The following RBFOX1 variants were observed in gnomAD, a reference collection of about 807,000 sequenced individuals.
RBFOX1 encodes RNA binding protein fox-1 homolog 1.
In RBFOX1, 8 loss-of-function variants were observed where a neutral mutation model predicts 57.7. The observed-to-expected ratio is 0.14, with a 90% CI of 0.08 to 0.25. RBFOX1 has a LOEUF of 0.25. Among genes scored for constraint, RBFOX1 ranks in the 10% least tolerant of loss-of-function variants. The pLI, the probability that RBFOX1 is intolerant of heterozygous loss-of-function variation, is 1.00. For synonymous variants in RBFOX1, 326 were observed against 222.4 expected, an observed-to-expected ratio of 1.47 and a Z score of -4.15; for missense variants, 611 against 548.5, an observed-to-expected ratio of 1.11 and a Z score of -1.14.
At chr16:7,557,507 C>T (rs911692242) in intron 5 of RBFOX1, among the ~76,000 whole-genome samples, 1 of 149,832 alleles carries the variant, frequency 6.7e-6, no homozygotes, top group Non-Finnish European at 1.5e-5. Flanking sequence ...GTAATCCCAC[C>T]TACTCGAGAG....
chr16:6,041,792 G>A (rs760273031), intron 1 of RBFOX1, among the ~76,000 whole-genome samples: 1 of 152,278 alleles, frequency 6.6e-6, no homozygotes, highest in African/African-American at 2.4e-5. Context: ...CCTCTCCAAA[G>A]ACATTCTTTG....
intron 2 of RBFOX1, among the ~76,000 whole-genome samples, chr16:6,495,998 T>C (rs1183080982): frequency 3.9e-5 from 6 of 152,218 alleles, no homozygotes; most frequent in Admixed American, 2.0e-4. Context: ...TATGCGTCAG[T>C]GTAAAGCCAT....
chr16:5,487,538 C>A (rs1285774836), intron 2 of RBFOX1, among the ~76,000 whole-genome samples: 1 of 152,152 alleles, frequency 6.6e-6, no homozygotes, highest in Non-Finnish European at 1.5e-5. Context: ...GTTGGTTGGT[C>A]TTGGTCTCTG....
At chr16:7,572,803 C>T (rs1025620208) in intron 5 of RBFOX1, among the ~76,000 whole-genome samples, 1 of 147,540 alleles carries the variant, frequency 6.8e-6, no homozygotes, top group Non-Finnish European at 1.5e-5. Context: ...GGAGCCACTG[C>T]ACTCCAGCCT....
rs2148637914 is a variant in RBFOX1, at chr16:7,711,344, T to C, written c.*599T>C. The C allele has an allele frequency of 6.6e-6, 1 of 152,580 alleles. No homozygotes were observed. The highest frequency in any genetic ancestry group is 1.5e-5 in the Non-Finnish European group (1 of 68,016). The allele number at this position is 152,580 out of a possible 1,614,324, so 9.5% of individuals were successfully genotyped here. On this transcript the variant is annotated 3_prime_UTR_variant, in exon 16 of 16. Transcript: ENST00000550418. Reference sequence around the variant, plus strand: ...GCCAAAGGTCATGTTGTTAAGGGGGTGCTTCTAGTAGCACTTGTGCATCTG... The same window carrying C: ...GCCAAAGGTCATGTTGTTAAGGGGGCGCTTCTAGTAGCACTTGTGCATCTG...
intron 3 of RBFOX1, among the ~76,000 whole-genome samples, chr16:6,825,025 C>G (rs181432570): frequency 2.1e-4 from 14 of 68,176 alleles, no homozygotes; most frequent in African/African-American, 5.5e-4. Flanking sequence ...GAGACGGCGT[C>G]TGGCTCTGTC....
intron 4 of RBFOX1, among the ~76,000 whole-genome samples, chr16:7,206,053 A>C (rs1194929694): frequency 6.6e-6 from 1 of 152,208 alleles, no homozygotes; most frequent in Non-Finnish European, 1.5e-5. Flanking sequence ...GTTTAGTTTT[A>C]CTTAGACTGA....
chr16:6,152,559 C>T (rs745702304), intron 1 of RBFOX1, among the ~76,000 whole-genome samples: 1 of 152,120 alleles, frequency 6.6e-6, no homozygotes, highest in Non-Finnish European at 1.5e-5. Flanking sequence ...TATCTGTAGT[C>T]CAGATAAGTT....
intron 3 of RBFOX1, among the ~76,000 whole-genome samples, chr16:7,035,832 A>T (rs1029992501): frequency 2.6e-5 from 4 of 152,106 alleles, no homozygotes; most frequent in Admixed American, 6.6e-5. Context: ...TGTGAAGCAT[A>T]TGTCTTCCAG....
At chr16:6,958,916 G>A (rs542285580) in intron 3 of RBFOX1, among the ~76,000 whole-genome samples, 11 of 152,010 alleles carry the variant, frequency 7.2e-5, no homozygotes, top group African/African-American at 1.7e-4. Flanking sequence ...ATGACAAGGC[G>A]TATTCTCCAT....
At chr16:7,242,011 C>A (rs9925760) in intron 4 of RBFOX1, among the ~76,000 whole-genome samples, 29 of 152,080 alleles carry the variant, frequency 1.9e-4, no homozygotes, top group African/African-American at 5.5e-4. Flanking sequence ...TTGGTAATCC[C>A]TTTTTTTGTG....
intron 1 of RBFOX1, among the ~76,000 whole-genome samples, chr16:6,217,124 A>G (rs558107198): frequency 6.7e-6 from 1 of 149,476 alleles, no homozygotes; most frequent in East Asian, 2.0e-4. Flanking sequence ...CTTCAGTCAT[A>G]GTCACCTCTG....
intron 3 of RBFOX1, among the ~76,000 whole-genome samples, chr16:5,821,053 G>C (rs2055834817): frequency 6.6e-6 from 1 of 152,044 alleles, no homozygotes; most frequent in South Asian, 2.1e-4. Flanking sequence ...TCCTTCCCTA[G>C]ACATGCTGCC....
chr16:5,917,864 G>A (rs1009024679), intron 4 of RBFOX1, among the ~76,000 whole-genome samples: 2 of 152,000 alleles, frequency 1.3e-5, no homozygotes, highest in African/African-American at 4.8e-5. Context: ...CTAGCCCCTG[G>A]TCCCCGTCAG....
intron 3 of RBFOX1, among the ~76,000 whole-genome samples, chr16:7,014,125 T>C (rs1281520933): frequency 3.3e-5 from 5 of 152,204 alleles, no homozygotes; most frequent in Non-Finnish European, 5.9e-5. Flanking sequence ...CAATTGTGTA[T>C]GCAGAATAAA....
intron 4 of RBFOX1, among the ~76,000 whole-genome samples, chr16:5,962,918 C>G (rs1258761285): frequency 1.3e-5 from 2 of 150,874 alleles, no homozygotes; most frequent in Admixed American, 1.3e-4. Flanking sequence ...TTTGGGACTC[C>G]AGACAGAGAT....
intron 3 of RBFOX1, among the ~76,000 whole-genome samples, chr16:7,042,424 T>C (rs1307812120): frequency 6.6e-6 from 1 of 152,124 alleles, no homozygotes; most frequent in African/African-American, 2.4e-5. Context: ...ATCTTTACGG[T>C]TTTAGGAATT....
intron 4 of RBFOX1, among the ~76,000 whole-genome samples, chr16:7,427,518 C>G (rs2098632691): frequency 6.6e-6 from 1 of 152,228 alleles, no homozygotes; most frequent in Non-Finnish European, 1.5e-5. Context: ...AATCCCCAGT[C>G]TCTAACCAAC....
intron 3 of RBFOX1, among the ~76,000 whole-genome samples, chr16:6,841,937 G>C (rs1257778383): frequency 1.3e-5 from 2 of 151,404 alleles, no homozygotes; most frequent in East Asian, 3.9e-4. Flanking sequence ...AGGAGATCGA[G>C]ACCATCCTGG....
Sources: gnomAD v4.1 joint callset for allele counts (sites outside exome capture counted in the v4.1 genomes callset) on GRCh38, gnomAD v4.1.1 for gene constraint, MANE v1.5 for transcripts, NCBI Gene and HGNC (gene_info 2026-07-23, HGNC 2026-07-21) for gene names.